PPP6R2: variants seen among roughly 807,000 people sequenced by gnomAD.
PPP6R2 encodes the protein protein phosphatase 6 regulatory subunit 2.
In PPP6R2, 62 loss-of-function variants were observed where a neutral mutation model predicts 100.2. The observed-to-expected ratio is 0.62, with a 90% confidence interval of 0.50 to 0.76. The LOEUF (loss-of-function observed/expected upper bound fraction) is 0.76, where lower values mean the gene tolerates loss of function less well. Ranked by LOEUF, PPP6R2 falls within the 30% of genes least tolerant of loss-of-function variation. The pLI is 0.00. For synonymous variants in PPP6R2, 525 were observed against 514.7 expected (o/e 1.02, Z -0.27); for missense variants, 1,142 against 1,276.3 (o/e 0.89, Z 1.60).
intron 10 of PPP6R2, among the ~76,000 whole-genome samples, chr22:50,429,494 A>G (rs1410717248): frequency 6.6e-6 from 1 of 152,180 alleles, no homozygotes; most frequent in African/African-American, 2.4e-5. Flanking sequence ...TTCTTTTGAT[A>G]TGATGCTAAG....
At chr22:50,425,607 T>C (rs1233323486) in intron 10 of PPP6R2, among the ~76,000 whole-genome samples, 1 of 152,222 alleles carries the variant, frequency 6.6e-6, no homozygotes, top group Non-Finnish European at 1.5e-5. Flanking sequence ...TGCACCATTT[T>C]ATCTTCCTGT....
chr22:50,387,845 G>A (rs1013333892), intron 2 of PPP6R2, among the ~76,000 whole-genome samples: 1 of 152,176 alleles, frequency 6.6e-6, no homozygotes, highest in African/African-American at 2.4e-5. Context: ...AATGAAACGT[G>A]CTGGGAACTG....
In PPP6R2 at chr22:50,372,836, G is replaced by A. The variant is rs1472352535; in HGVS notation, c.-17+686G>A. Among the ~76,000 whole-genome samples, 6 of 150,948 alleles carry A rather than the reference G, an allele frequency of 4.0e-5. No homozygotes were observed. The East Asian group carries it at 6.0e-4, about 15-fold the overall frequency. On this transcript the variant is annotated intron_variant, in intron 2 of 23. Coordinates refer to ENST00000612753, the MANE Select transcript of PPP6R2 (RefSeq NM_001242898.2). ...CCCAAGTAGCTGGGACTACAGGCAC[G>A]CACCACCACACCTGGCTAATTTTTG... is the stretch of plus-strand genomic sequence containing the variant.
chr22:50,411,099 G>A lies in PPP6R2; in HGVS notation c.415-3453G>A, dbSNP rs141916233. Among the ~76,000 whole-genome samples the A allele has an allele frequency of 3.8e-3, 572 of 152,160 alleles. 4 individuals carry two copies. Among genetic ancestry groups the A allele is most frequent in the African/African-American group, 0.013 (536 of 41,522 alleles). ...AGCCCCCACACCCGGCCTTTAAATGGTATCTTTTTAATTGAAATTTTGACT... is the reference window on the plus strand; with the variant it reads ...AGCCCCCACACCCGGCCTTTAAATGATATCTTTTTAATTGAAATTTTGACT... On this transcript the variant is annotated intron_variant, in intron 4 of 23. Coordinates refer to ENST00000612753, the MANE Select transcript of PPP6R2 (RefSeq NM_001242898.2).
At chr22:50,409,696 G>T (rs1021991506) in intron 4 of PPP6R2, among the ~76,000 whole-genome samples, 3 of 152,074 alleles carry the variant, frequency 2.0e-5, no homozygotes, top group Non-Finnish European at 4.4e-5. Context: ...AAAGTGTTGG[G>T]ATTACAGGCG....
At chr22:50,355,416 T>C (rs940426295) in intron 1 of PPP6R2, among the ~76,000 whole-genome samples, 5 of 151,504 alleles carry the variant, frequency 3.3e-5, no homozygotes, top group African/African-American at 1.2e-4. Context: ...TTTTTTGTAT[T>C]TTTAGTAGAG....
At chr22:50,393,621 C>T in intron 2 of PPP6R2, 1 of 955,342 alleles carries the variant, frequency 1.0e-6, no homozygotes, top group Non-Finnish European at 1.2e-6. Flanking sequence ...GGTGCAGCCT[C>T]AGAGCTGTTG....
At chr22:50,337,423 GGGTGTGTGTGTGCGGTACGTGTGT>G in the PPP6R2 span, among the ~76,000 whole-genome samples, 8 of 139,946 alleles carry the variant, frequency 5.7e-5, no homozygotes, top group Non-Finnish European at 1.1e-4. Flanking sequence ...GGTGTGTGTG[GGGTGTGTGTGTGCGGTACGTGTGT>G]GGTGTGTGTG....
intron 22 of PPP6R2, among the ~76,000 whole-genome samples, chr22:50,442,492 G>C (rs1309416737): frequency 2.6e-5 from 4 of 152,256 alleles, no homozygotes; most frequent in South Asian, 2.1e-4. Flanking sequence ...CCCTCGGGTT[G>C]AAAGTCATAC....
At chr22:50,378,715 A>AC (rs145063112) in intron 2 of PPP6R2, among the ~76,000 whole-genome samples, 30,411 of 145,444 alleles carry the variant, frequency 0.21, 3,212 homozygotes, top group South Asian at 0.38. Context: ...CCCCATCTCT[A>AC]CAAAAAAAAA....
At chr22:50,340,600 G>GGT (rs1555946590), upstream of PPP6R2, among the ~76,000 whole-genome samples, 80 of 147,500 alleles carry the variant, frequency 5.4e-4, no homozygotes, top group Middle Eastern at 3.5e-3. Context: ...GTGTGTGTGT[G>GGT]GTGTGTGGTG....
At chr22:50,339,389 G>A (rs2042342874), upstream of PPP6R2, among the ~76,000 whole-genome samples, 2 of 120,254 alleles carry the variant, frequency 1.7e-5, no homozygotes, top group South Asian at 5.5e-4. Context: ...GGTATGTAGT[G>A]TGTGTGTGGT....
At chr22:50,337,645 AGTGT>A in the PPP6R2 span, among the ~76,000 whole-genome samples, 2 of 68,988 alleles carry the variant, frequency 2.9e-5, no homozygotes, top group African/African-American at 2.2e-4. Flanking sequence ...GTGTGGGTAT[AGTGT>A]GTGTGTGGTG....
chr22:50,354,254 A>G (rs891489228), intron 1 of PPP6R2, among the ~76,000 whole-genome samples: 4 of 152,144 alleles, frequency 2.6e-5, no homozygotes, highest in African/African-American at 9.7e-5. Flanking sequence ...GTAGTGAGCC[A>G]AGATCATGCC....
rs773718006 is a variant in PPP6R2 at position 50,394,068 on chromosome 22, A to G, written c.160A>G (p.Met54Val). The G allele has an allele frequency of 1.2e-6, 2 of 1,614,204 alleles. No homozygotes were observed. Among genetic ancestry groups the G allele is most frequent in the South Asian group, 2.2e-5 (2 of 91,084 alleles). ...LLDFLCRQQC[M>V]EELVSLITQD... ...GGACTTCCTGTGCAGGCAGCAGTGC[A>G]TGGAGGAGCTGGTGAGCCTCATCAC... Residue 54 changes from methionine to valine, a missense_variant, in exon 3 of 24, where the codon ATG becomes GTG. This residue lies in a region of PPP6R2 where 592 missense variants were observed against 758.9 expected (regional missense o/e 0.78). Coordinates refer to ENST00000612753, the MANE Select transcript of PPP6R2 (RefSeq NM_001242898.2).
rs747583033 is a variant in PPP6R2, at chr22:50,437,038, T to C, written c.1653T>C (p.Gly551=). The C allele has an allele frequency of 4.3e-5, 67 of 1,562,540 alleles. No individual in the cohort carries two copies. Among genetic ancestry groups the C allele is most frequent in the Non-Finnish European group, 5.5e-5 (63 of 1,153,794 alleles). The change falls in exon 15 of 24, where the codon GGT becomes GGC. Residue 551 remains glycine (G), a synonymous_variant. Coordinates refer to ENST00000612753, the MANE Select transcript of PPP6R2 (RefSeq NM_001242898.2). ...CAAGTGAGGACGAGGACATTGAGGG[T>C]GCTTTCCCTAACGAGCTGTCCCTTC... The part of the protein sequence containing the change: ...HSSSEDEDIE[G]AFPNELSLQQ...
At chr22:50,434,710 C>T (rs559524229) in intron 12 of PPP6R2, among the ~76,000 whole-genome samples, 3 of 95,056 alleles carry the variant, frequency 3.2e-5, no homozygotes, top group African/African-American at 1.4e-4. Flanking sequence ...GCCGGGTGCG[C>T]GGACACTGGG....
At chr22:50,439,409 G>A (rs930457885) in intron 19 of PPP6R2, among the ~76,000 whole-genome samples, 10 of 152,164 alleles carry the variant, frequency 6.6e-5, no homozygotes, top group Non-Finnish European at 1.2e-4. Context: ...ACAGGGCAGT[G>A]GCATCACCTC....
At chr22:50,394,830 T>C (rs12159321) in intron 3 of PPP6R2, among the ~76,000 whole-genome samples, 53,643 of 147,592 alleles carry the variant, frequency 0.36, 10,210 homozygotes, top group South Asian at 0.61. Context: ...AGGAGGTTGG[T>C]GTGAACCCGG....
Sources: allele counts gnomAD v4.1 joint callset (sites outside exome capture counted in the v4.1 genomes callset), GRCh38; gene constraint gnomAD v4.1.1; regional missense constraint gnomAD v4.1.1; transcripts MANE v1.5; gene names NCBI Gene and HGNC (gene_info 2026-07-23, HGNC 2026-07-21).